ZNF507: variants seen among roughly 807,000 people sequenced by gnomAD.
The protein encoded by ZNF507 is zinc finger protein 507.
A neutral mutation model predicts 80.0 loss-of-function variants in ZNF507; 29 were observed. The observed-to-expected ratio is 0.36, with a 90% CI of 0.27 to 0.49. The LOEUF (loss-of-function observed/expected upper bound fraction) is 0.49, where lower values mean the gene tolerates loss of function less well. ZNF507 is among the 20% of genes least tolerant of loss of function. ZNF507 has a pLI of 0.98. For missense variants in ZNF507, 1,081 were observed against 1,152.2 expected (o/e 0.94, Z 0.90); for synonymous variants, 462 against 422.5 (o/e 1.09, Z -1.15).
At chr19:32,366,034 C>G (rs553021635) in intron 5 of ZNF507, among the ~76,000 whole-genome samples, 2 of 152,166 alleles carry the variant, frequency 1.3e-5, no homozygotes, top group South Asian at 4.1e-4. Flanking sequence ...AGAATAGCTG[C>G]CCAAATAATA....
At chr19:32,364,354 A>C (rs758779195) in intron 5 of ZNF507, among the ~76,000 whole-genome samples, 3 of 151,770 alleles carry the variant, frequency 2.0e-5, no homozygotes, top group Non-Finnish European at 2.9e-5. Flanking sequence ...ATTTTTCCAT[A>C]AGTTGTTGAG....
chr19:32,364,106 G>C (rs1263671985), intron 5 of ZNF507, among the ~76,000 whole-genome samples: 2 of 152,132 alleles, frequency 1.3e-5, no homozygotes. Context: ...GCATTGAAGG[G>C]GCTTGTTCCC....
At chr19:32,366,986 G>A (rs1967407655) in intron 5 of ZNF507, among the ~76,000 whole-genome samples, 3 of 152,052 alleles carry the variant, frequency 2.0e-5, no homozygotes, top group African/African-American at 7.2e-5. Context: ...TTTTTGCATT[G>A]TCTATTGTAT....
At chr19:32,362,475 T>G (rs1043446104) in intron 5 of ZNF507, among the ~76,000 whole-genome samples, 13 of 152,228 alleles carry the variant, frequency 8.5e-5, no homozygotes, top group African/African-American at 2.7e-4. Context: ...ATTCTTGGAC[T>G]ACAGTCATAA....
intron 4 of ZNF507, 27 bp from the exon 5 acceptor site, chr19:32,360,477 A>G: frequency 3.8e-6 from 5 of 1,331,354 alleles, no homozygotes; most frequent in Non-Finnish European, 5.2e-6. Flanking sequence ...AAAGCCTGCT[A>G]CTAAAACTCT....
rs765620308 is a variant in ZNF507, at chr19:32,356,732, A to G, written c.2244A>G (p.Glu748=). The G allele has an allele frequency of 1.9e-6, 3 of 1,611,820 alleles. No homozygotes were observed. The highest frequency in any genetic ancestry group is 2.5e-6 in the Non-Finnish European group (3 of 1,177,918). Residue 748 remains glutamate, a splice_region_variant and synonymous_variant, in exon 4 of 7, where the codon GAA becomes GAG. Coordinates refer to ENST00000355898, the MANE Select transcript of ZNF507 (RefSeq NM_001136156.2). ...CAGCTGATGGAAAATGTGTCCAGGA[A>G]GGTATCTATGTATTTTGTTATGCAG... ...SDTADGKCVQ[E]GNKSSVQKQY... is the part of the protein sequence containing the mutation.
At chr19:32,362,749 C>T (rs762678308) in intron 5 of ZNF507, among the ~76,000 whole-genome samples, 5 of 152,184 alleles carry the variant, frequency 3.3e-5, no homozygotes, top group Admixed American at 6.5e-5. Context: ...GGCAACATCC[C>T]GTGAGCATCC....
rs1271530128 is a variant in ZNF507 at position 32,383,417 on chromosome 19, A to G, written c.*334A>G. ...TAGAAATGCCAGCAAGAGTTAAGAA[A>G]GGGCTTTTCAGGAACTATTCTAAAA... On this transcript the variant is annotated 3_prime_UTR_variant, in exon 7 of 7. Transcript: ENST00000355898. 4.6e-6 allele frequency: 1 copy of G among 217,762 alleles called. No homozygotes were observed. Among genetic ancestry groups the G allele is most frequent in the Non-Finnish European group, 9.3e-6 (1 of 107,444 alleles). 13.5% of individuals were successfully genotyped at this position (217,762 alleles called of 1,614,324 possible).
intron 1 of ZNF507, among the ~76,000 whole-genome samples, chr19:32,346,257 ACCATCCTCTGGAGATAGAATGATGTCTC>A (rs932635133): frequency 1.2e-4 from 19 of 152,100 alleles, no homozygotes; most frequent in African/African-American, 4.1e-4. Flanking sequence ...TGCATTTATT[ACCATCCTCTGGAGATAGAATGATGTCTC>A]CAGAGATCAC....
chr19:32,363,879 C>A (rs1967362601), intron 5 of ZNF507, among the ~76,000 whole-genome samples: 1 of 152,172 alleles, frequency 6.6e-6, no homozygotes, highest in Non-Finnish European at 1.5e-5. Context: ...CTGAGGTCCC[C>A]ATGCTATGTC....
At chr19:32,365,466 A>G (rs1420340106) in intron 5 of ZNF507, among the ~76,000 whole-genome samples, 2 of 152,126 alleles carry the variant, frequency 1.3e-5, no homozygotes, top group South Asian at 4.1e-4. Context: ...TTGTAGTTTC[A>G]GGTCTTAGGT....
intron 5 of ZNF507, among the ~76,000 whole-genome samples, chr19:32,365,353 TTTA>T (rs1040290361): frequency 1.3e-5 from 2 of 152,184 alleles, no homozygotes; most frequent in Admixed American, 6.5e-5. Flanking sequence ...GATACAGCTA[TTTA>T]TCTTTGTTTT....
intron 5 of ZNF507, among the ~76,000 whole-genome samples, chr19:32,377,159 C>T (rs1967559973): frequency 6.6e-6 from 1 of 152,052 alleles, no homozygotes; most frequent in South Asian, 2.1e-4. Flanking sequence ...AGAGTCTTCT[C>T]TAAACTCTCC....
In ZNF507 at chr19:32,353,839, CCTT is replaced by C. The variant is rs1188884095; in HGVS notation, c.1010_1012del (p.Pro337del). 1.2e-6 allele frequency: 2 copies of C among 1,614,020 alleles called. No homozygotes were observed. The highest frequency in any genetic ancestry group is 1.7e-6 in the Non-Finnish European group (2 of 1,180,048). On this transcript the variant is annotated inframe_deletion, in exon 3 of 7. Coordinates refer to ENST00000355898, the MANE Select transcript of ZNF507 (RefSeq NM_001136156.2). The stretch of plus-strand genomic sequence containing the variant: ...CTCAGAACAGTTATCATCTTCATCT[CCTT>C]TAGAACAGAGTGCAGAAAGAGGAGT...
At chr19:32,356,918 T>TA (rs1967260539) in intron 4 of ZNF507, 185 bp downstream of exon 4, 1 of 585,962 alleles carries the variant, frequency 1.7e-6, no homozygotes, top group African/African-American at 1.9e-5. Flanking sequence ...AGCAGATGAT[T>TA]ACTAGGTCCT....
At position 32,354,718 on chromosome 19, in the gene ZNF507, G is replaced by A; in HGVS notation, c.1888G>A (p.Val630Met). 1 of 1,614,228 alleles carries A rather than the reference G, an allele frequency of 6.2e-7. No homozygotes were observed. The highest frequency in any genetic ancestry group is 8.5e-7 in the Non-Finnish European group (1 of 1,180,040). Residue 630 changes from valine (V) to methionine (M), a missense_variant, in exon 3 of 7, where the codon GTG becomes ATG. Physicochemically the swap from Val to Met is conservative, Grantham distance 21. Coordinates refer to ENST00000355898, the MANE Select transcript of ZNF507 (RefSeq NM_001136156.2). ...NSDTSLSGNN[V>M]VEYIPNAERP... ...CGATACAAGTTTGTCCGGAAACAAT[G>A]TGGTGGAATACATCCCGAATGCTGA...
rs1967692543 is a variant in ZNF507, at chr19:32,386,529, T to C, written c.*3446T>C. ...GTGTAACACTATGGCATTGCTTCTA[T>C]AGCCAAAGTATAAAAATTTCTGGAA... On this transcript the variant is annotated 3_prime_UTR_variant, in exon 7 of 7. Coordinates refer to ENST00000355898, the MANE Select transcript of ZNF507 (RefSeq NM_001136156.2). 1.3e-5 allele frequency: 2 copies of C among 152,640 alleles called. No individual in the cohort carries two copies. 9.5% of individuals were successfully genotyped at this position (152,640 alleles called of 1,614,324 possible).
chr19:32,374,892 A>G (rs925926341), intron 5 of ZNF507, among the ~76,000 whole-genome samples: 20 of 152,286 alleles, frequency 1.3e-4, no homozygotes, highest in Non-Finnish European at 2.9e-4. Flanking sequence ...CTTAATGGAA[A>G]TGCTTCTGGT....
rs778390062 is a variant in ZNF507 at position 32,382,713 on chromosome 19, T to A, written c.2496-4T>A. On this transcript the variant is annotated splice_region_variant and splice_polypyrimidine_tract_variant and intron_variant, in intron 6 of 6. Coordinates refer to ENST00000355898, the MANE Select transcript of ZNF507 (RefSeq NM_001136156.2). ...CGGTGTGCTGTGTTTGTTTTGTTTT[T>A]AAGAGTTCTGGGGAAATCCCCTGGA... 3 of 1,610,322 alleles carry A rather than the reference T, an allele frequency of 1.9e-6. No individual in the cohort carries two copies. The highest frequency in any genetic ancestry group is 4.5e-5 in the East Asian group (2 of 44,842).
Sources: gnomAD v4.1 joint callset for allele counts (sites outside exome capture counted in the v4.1 genomes callset) on GRCh38, gnomAD v4.1.1 for gene constraint, MANE v1.5 for transcripts, NCBI Gene and HGNC (gene_info 2026-07-23, HGNC 2026-07-21) for gene names.